DAAM1: variants seen among roughly 807,000 people sequenced by gnomAD.
DAAM1 encodes the protein dishevelled associated activator of morphogenesis 1.
Under a neutral mutation model 130.0 loss-of-function variants are expected in DAAM1, and 52 were observed. The observed-to-expected ratio is 0.40, with a 90% CI of 0.32 to 0.50. The LOEUF is 0.50. DAAM1 is among the 20% of genes least tolerant of loss of function. The probability of loss-of-function intolerance (pLI) is 0.61; values close to 1 mark genes in which losing one functional copy is unlikely to be tolerated. For synonymous variants in DAAM1, 452 were observed against 444.5 expected, an observed-to-expected ratio of 1.02 and a Z score of -0.21; for missense variants, 1,134 against 1,303.8, an observed-to-expected ratio of 0.87 and a Z score of 2.01.
intron 15 of DAAM1, among the ~76,000 whole-genome samples, chr14:59,333,188 T>C (rs1367707363): frequency 6.6e-6 from 1 of 152,242 alleles, no homozygotes; most frequent in African/African-American, 2.4e-5. Context: ...GGAAAGCTTT[T>C]CTGCAATGCC....
At chr14:59,327,402 C>CTTGTTTTTTTTTTTTT (rs1885248870) in intron 12 of DAAM1, among the ~76,000 whole-genome samples, 2 of 58,990 alleles carry the variant, frequency 3.4e-5, no homozygotes, top group Non-Finnish European at 5.9e-5. Context: ...CACTTGGTTT[C>CTTGTTTTTTTTTTTTT]TTTTTTTTTT....
In DAAM1 at chr14:59,368,826, C is replaced by G. The variant is rs749897799; in HGVS notation, c.3174C>G (p.Ser1058Arg). The change falls in exon 25 of 25, where the codon AGC becomes AGG. Residue 1058 changes from serine to arginine, a missense_variant. Physicochemically the swap from Ser to Arg is moderately radical, Grantham distance 110. This residue lies in a region of DAAM1 where 644 missense variants were observed against 695.9 expected (regional missense o/e 0.93). Transcript: ENST00000360909. ...KRITNQMTDSSRERPITKLNF is the reference protein window; with the variant it reads ...KRITNQMTDSRRERPITKLNF ...TTACCAACCAGATGACTGACAGCAG[C>G]AGAGAGAGACCAATCACAAAACTTA... 1 of 1,613,252 alleles carries G rather than the reference C, an allele frequency of 6.2e-7. No homozygotes were observed. Among genetic ancestry groups the G allele is most frequent in the South Asian group, 1.1e-5 (1 of 90,822 alleles).
chr14:59,293,004 T>G (rs1169431686), intron 3 of DAAM1, among the ~76,000 whole-genome samples: 1 of 152,222 alleles, frequency 6.6e-6, no homozygotes. Context: ...ACTGGTATTA[T>G]ATAGCCTTTG....
At position 59,207,587 on chromosome 14, in the gene DAAM1, C is replaced by T. The variant is rs533820804; in HGVS notation, c.-38+18819C>T. Among the ~76,000 whole-genome samples the T allele has an allele frequency of 9.2e-5, 14 of 152,218 alleles. No individual in the cohort carries two copies. The South Asian group carries it at 2.5e-3, about 27-fold the overall frequency. On this transcript the variant is annotated intron_variant, in intron 1 of 24. Coordinates refer to ENST00000360909, the MANE Select transcript of DAAM1 (RefSeq NM_001270520.2). ...GATGACTTCATCGTGGGTATTAAAG[C>T]GCCTCAAAAATTCTACTCTATGCTT...
chr14:59,357,928 T>G (rs939166599), intron 20 of DAAM1, among the ~76,000 whole-genome samples: 1 of 152,222 alleles, frequency 6.6e-6, no homozygotes, highest in Non-Finnish European at 1.5e-5. Context: ...AGGATTGCAT[T>G]GTTTCTATGA....
At chr14:59,277,178 G>A (rs1320257160) in intron 2 of DAAM1, among the ~76,000 whole-genome samples, 1 of 152,144 alleles carries the variant, frequency 6.6e-6, no homozygotes, top group Non-Finnish European at 1.5e-5. Flanking sequence ...TTCTTCCAAA[G>A]TGTTAGTCTT....
At chr14:59,212,017 A>G (rs1307949666) in intron 1 of DAAM1, among the ~76,000 whole-genome samples, 1 of 152,214 alleles carries the variant, frequency 6.6e-6, no homozygotes, top group Non-Finnish European at 1.5e-5. Flanking sequence ...TAAGTGAAAT[A>G]TGTGATTGCT....
intron 1 of DAAM1, among the ~76,000 whole-genome samples, chr14:59,217,952 G>A (rs1414756741): frequency 2.0e-5 from 3 of 150,696 alleles, no homozygotes; most frequent in Admixed American, 1.3e-4. Flanking sequence ...CAGCCTGGGC[G>A]ACAGAGCGAC....
chr14:59,227,706 A>G (rs1344981958), intron 1 of DAAM1, among the ~76,000 whole-genome samples: 1 of 152,140 alleles, frequency 6.6e-6, no homozygotes, highest in Non-Finnish European at 1.5e-5. Context: ...AGCTGTTCAC[A>G]TTGTAAGCCC....
chr14:59,323,796 G>GC (rs1885106392), intron 6 of DAAM1, among the ~76,000 whole-genome samples: 1 of 152,110 alleles, frequency 6.6e-6, no homozygotes, highest in African/African-American at 2.4e-5. Flanking sequence ...ACTTTGGGAG[G>GC]CTGAGGCAGG....
chr14:59,274,146 CT>C (rs1566679082), intron 2 of DAAM1, among the ~76,000 whole-genome samples: 1 of 152,110 alleles, frequency 6.6e-6, no homozygotes, highest in Non-Finnish European at 1.5e-5. Context: ...AACCAGATTC[CT>C]GAAAAAGTTG....
At chr14:59,300,486 GA>G (rs1410015714) in intron 3 of DAAM1, among the ~76,000 whole-genome samples, 1 of 152,110 alleles carries the variant, frequency 6.6e-6, no homozygotes, top group African/African-American at 2.4e-5. Context: ...ATTTCTAAAA[GA>G]AAAAACTAAC....
intron 1 of DAAM1, among the ~76,000 whole-genome samples, chr14:59,194,283 G>A (rs1328665190): frequency 6.6e-6 from 1 of 152,176 alleles, no homozygotes; most frequent in African/African-American, 2.4e-5. Context: ...ACTTCTTCAT[G>A]TCACAGGTTC....
chr14:59,246,696 C>A (rs1325560636), intron 1 of DAAM1, among the ~76,000 whole-genome samples: 2 of 152,302 alleles, frequency 1.3e-5, no homozygotes, highest in African/African-American at 2.4e-5. Flanking sequence ...TTCTCCACAT[C>A]CTTGCCAACG....
intron 19 of DAAM1, 98 bp downstream of exon 19, chr14:59,354,062 A>ATT (rs10713024): frequency 2.8e-4 from 249 of 883,798 alleles, no homozygotes; most frequent in African/African-American, 6.8e-4. Context: ...CCCCTTGGTG[A>ATT]TTTTTTTTTT....
intron 1 of DAAM1, among the ~76,000 whole-genome samples, chr14:59,258,233 T>C (rs539315760): frequency 6.6e-6 from 1 of 152,328 alleles, no homozygotes; most frequent in South Asian, 2.1e-4. Flanking sequence ...GGGGCAGCTG[T>C]TGTTACTTTT....
chr14:59,247,994 T>G (rs541394811), intron 1 of DAAM1, among the ~76,000 whole-genome samples: 18 of 152,322 alleles, frequency 1.2e-4, no homozygotes, highest in African/African-American at 3.8e-4. Context: ...CTTCCCGTAT[T>G]TAGCCACTGA....
At position 59,282,319 on chromosome 14, in the gene DAAM1, T is replaced by C. The variant is rs79330183; in HGVS notation, c.184-8898T>C. Reference sequence around the variant, plus strand: ...AGCTCCATGATAGCTTTTTGAACCCTGTGCCTATCACAATGCCTGGAATTT... The same window carrying C: ...AGCTCCATGATAGCTTTTTGAACCCCGTGCCTATCACAATGCCTGGAATTT... On this transcript the variant is annotated intron_variant, in intron 2 of 24. Transcript: ENST00000360909. Among the ~76,000 whole-genome samples the C allele has an allele frequency of 1.7e-3, 259 of 152,324 alleles. 3 individuals carry two copies. The East Asian group carries it at 0.044, about 26-fold the overall frequency.
chr14:59,216,392 A>G lies in DAAM1; in HGVS notation c.-38+27624A>G, dbSNP rs116150915. ...CTCATGCACATTGTCTGTATTTCAT[A>G]GAGTAGGCAAAAAAAGGATTTTAAT... On this transcript the variant is annotated intron_variant, in intron 1 of 24. Transcript: ENST00000360909. Among the ~76,000 whole-genome samples, 236 of 152,314 alleles carry G rather than the reference A, an allele frequency of 1.5e-3. 1 individual carries two copies. The highest frequency in any genetic ancestry group is 5.0e-3 in the African/African-American group (207 of 41,558).
Sources: gnomAD v4.1 joint callset for allele counts (sites outside exome capture counted in the v4.1 genomes callset) on GRCh38, gnomAD v4.1.1 for gene constraint, gnomAD v4.1.1 regional missense constraint, MANE v1.5 for transcripts, NCBI Gene and HGNC (gene_info 2026-07-23, HGNC 2026-07-21) for gene names.